The following DPP6 variants were observed in gnomAD, a reference collection of about 807,000 sequenced individuals.
DPP6 encodes the protein dipeptidyl peptidase like 6.
Under a neutral mutation model 122.6 loss-of-function variants are expected in DPP6, and 69 were observed. The ratio of observed to expected loss-of-function variants is 0.56; its 90% CI spans 0.46 to 0.69. The LOEUF is 0.69. Among genes scored for constraint, DPP6 ranks in the 30% least tolerant of loss-of-function variants. DPP6 has a pLI of 0.00. For synonymous variants in DPP6, 418 were observed against 433.1 expected, an observed-to-expected ratio of 0.97 and a Z score of 0.43; for missense variants, 928 against 1,116.9, an observed-to-expected ratio of 0.83 and a Z score of 2.41.
chr7:154,769,292 TTG>T, intron 8 of DPP6, 123 bp from the exon 9 acceptor site: 2 of 1,234,556 alleles, frequency 1.6e-6, no homozygotes, highest in Admixed American at 4.2e-5. Flanking sequence ...TCCTCAAAGG[TTG>T]TAGCAGATAA....
chr7:154,892,534 AG>A lies in DPP6; in HGVS notation c.*57del. 1.1e-5 allele frequency: 15 copies of A among 1,378,260 alleles called. No homozygotes were observed. In the South Asian group the frequency reaches 1.7e-4, roughly 16 times the overall value. The allele number at this position is 1,378,260 out of a possible 1,614,324, so 85.4% of individuals were successfully genotyped here. A position where few individuals can be genotyped will look rare whatever the true frequency, so the allele number is the denominator to read the frequency against. On this transcript the variant is annotated 3_prime_UTR_variant, in exon 26 of 26. Transcript: ENST00000377770. ...CTCTTTCTACAACCAGATGCAACCGAGGGATTTCCCTGCCCTCCCTCTTCCC... is the reference window on the plus strand; with the variant it reads ...CTCTTTCTACAACCAGATGCAACCGAGGATTTCCCTGCCCTCCCTCTTCCC...
intron 1 of DPP6, among the ~76,000 whole-genome samples, chr7:153,964,715 G>A (rs1215077852): frequency 1.3e-5 from 2 of 152,092 alleles, no homozygotes; most frequent in African/African-American, 2.4e-5. Context: ...GATGCCTGGC[G>A]AGAATCTGTA....
At chr7:154,709,346 A>AT (rs1490806593) in intron 7 of DPP6, among the ~76,000 whole-genome samples, 1 of 147,814 alleles carries the variant, frequency 6.8e-6, no homozygotes, top group East Asian at 2.0e-4. Flanking sequence ...CACTCAGCTA[A>AT]TTTTTTAATG....
intron 1 of DPP6, among the ~76,000 whole-genome samples, chr7:154,326,407 T>A (rs747707244): frequency 1.3e-5 from 2 of 152,244 alleles, no homozygotes; most frequent in African/African-American, 4.8e-5. Flanking sequence ...GAGCTCAAAG[T>A]CTATATATAC....
intron 3 of DPP6, among the ~76,000 whole-genome samples, chr7:154,527,984 C>T (rs1827542376): frequency 6.7e-6 from 1 of 150,018 alleles, no homozygotes; most frequent in Non-Finnish European, 1.5e-5. Context: ...ATTGTTATAT[C>T]AGTTTGAAAA....
chr7:153,945,899 C>T (rs1173680504), intron 1 of DPP6, among the ~76,000 whole-genome samples: 3 of 152,090 alleles, frequency 2.0e-5, no homozygotes, highest in South Asian at 2.1e-4. Flanking sequence ...ACGTAGAACA[C>T]GATTGATTTT....
At chr7:154,824,479 G>C (rs6944848) in intron 16 of DPP6, among the ~76,000 whole-genome samples, 1 of 151,876 alleles carries the variant, frequency 6.6e-6, no homozygotes, top group African/African-American at 2.4e-5. Context: ...GGGTTTCACC[G>C]TGTTGGCCAG....
At chr7:153,772,331 G>T in the DPP6 span, among the ~76,000 whole-genome samples, 7 of 152,160 alleles carry the variant, frequency 4.6e-5, no homozygotes, top group African/African-American at 1.4e-4. Context: ...TCATCTGCCT[G>T]CCTTGGCCTT....
chr7:153,850,175 C>T, the DPP6 span, among the ~76,000 whole-genome samples: 1 of 152,172 alleles, frequency 6.6e-6, no homozygotes, highest in South Asian at 2.1e-4. Context: ...GGTGGCTTTG[C>T]TGCTTCAGGG....
At chr7:154,850,152 C>A (rs1050839490) in intron 16 of DPP6, among the ~76,000 whole-genome samples, 2 of 152,158 alleles carry the variant, frequency 1.3e-5, no homozygotes, top group African/African-American at 2.4e-5. Flanking sequence ...AAGCAGTATA[C>A]ACTGAACCCA....
intron 1 of DPP6, among the ~76,000 whole-genome samples, chr7:154,443,343 CA>C (rs1819541691): frequency 6.8e-6 from 1 of 146,522 alleles, no homozygotes; most frequent in Non-Finnish European, 1.5e-5. Flanking sequence ...CACTAGATTA[CA>C]AGAAAAAAAA....
intron 1 of DPP6, among the ~76,000 whole-genome samples, chr7:154,266,164 C>G (rs1298563333): frequency 6.6e-6 from 1 of 152,176 alleles, no homozygotes; most frequent in Non-Finnish European, 1.5e-5. Context: ...CTAAACCGAT[C>G]AGACTGGGAA....
chr7:154,600,304 T>G (rs1358490593), intron 5 of DPP6, among the ~76,000 whole-genome samples: 1 of 118,534 alleles, frequency 8.4e-6, no homozygotes, highest in Non-Finnish European at 1.9e-5. Context: ...ATTTTTCGTA[T>G]TTTTTGTAGA....
At chr7:154,180,709 A>G (rs966721119) in intron 1 of DPP6, among the ~76,000 whole-genome samples, 1 of 151,894 alleles carries the variant, frequency 6.6e-6, no homozygotes, top group African/African-American at 2.4e-5. Context: ...TCTAGGAATG[A>G]CAATCTTTTT....
At chr7:154,287,727 C>T (rs1450132702) in intron 1 of DPP6, among the ~76,000 whole-genome samples, 2 of 152,130 alleles carry the variant, frequency 1.3e-5, no homozygotes, top group Non-Finnish European at 2.9e-5. Flanking sequence ...GCAGAAGGGG[C>T]TCTTGTCAAA....
chr7:153,943,804 T>C (rs1801809779), intron 1 of DPP6, among the ~76,000 whole-genome samples: 1 of 152,194 alleles, frequency 6.6e-6, no homozygotes, highest in African/African-American at 2.4e-5. Context: ...TTAATAAACA[T>C]GTAATAGAGA....
At chr7:154,304,942 C>T (rs1806159168) in intron 1 of DPP6, among the ~76,000 whole-genome samples, 1 of 152,080 alleles carries the variant, frequency 6.6e-6, no homozygotes, top group African/African-American at 2.4e-5. Context: ...CGGCGCGGGG[C>T]CCTGATGGAT....
At chr7:154,655,371 T>C (rs538926796) in intron 6 of DPP6, among the ~76,000 whole-genome samples, 14 of 152,324 alleles carry the variant, frequency 9.2e-5, no homozygotes, top group African/African-American at 3.4e-4. Flanking sequence ...TCAGAATGGA[T>C]TGTGTGATTA....
chr7:154,051,383 C>G (rs1257805405), upstream of DPP6, among the ~76,000 whole-genome samples: 2 of 148,832 alleles, frequency 1.3e-5, no homozygotes, highest in Non-Finnish European at 3.0e-5. Flanking sequence ...GAGAGAGACG[C>G]GTGCCCAGCA....
Sources: allele counts gnomAD v4.1 joint callset (sites outside exome capture counted in the v4.1 genomes callset), GRCh38; gene constraint gnomAD v4.1.1; transcripts MANE v1.5; gene names NCBI Gene and HGNC (gene_info 2026-07-23, HGNC 2026-07-21).